The following IQGAP1 variants were observed in gnomAD, a reference collection of about 807,000 sequenced individuals.
IQGAP1 encodes the protein IQ motif containing GTPase activating protein 1.
In IQGAP1, 66 loss-of-function variants were observed where a neutral mutation model predicts 215.6. The ratio of observed to expected loss-of-function variants is 0.31; its 90% confidence interval spans 0.25 to 0.38. IQGAP1 has a LOEUF of 0.38. IQGAP1 is among the 10% of genes least tolerant of loss of function. The probability of loss-of-function intolerance (pLI) is 1.00; values close to 1 mark genes in which losing one functional copy is unlikely to be tolerated. For missense variants in IQGAP1, 1,712 were observed against 1,997.1 expected (o/e 0.86, Z 2.72); for synonymous variants, 772 against 728.7 (o/e 1.06, Z -0.96).
chr15:90,476,946 C>A, intron 24 of IQGAP1, 121 bp from the exon 25 acceptor site: 1 of 1,317,620 alleles, frequency 7.6e-7, no homozygotes, highest in Non-Finnish European at 1.1e-6. Flanking sequence ...GGCACTGTAA[C>A]ATGTTAATTT....
intron 15 of IQGAP1, among the ~76,000 whole-genome samples, chr15:90,460,925 G>A (rs1216949556): frequency 1.3e-5 from 2 of 150,378 alleles, no homozygotes; most frequent in Non-Finnish European, 2.9e-5. Context: ...CTTGGGCCTA[G>A]GGGGCTGAGG....
chr15:90,412,376 C>A (rs996197955), intron 2 of IQGAP1, among the ~76,000 whole-genome samples: 3 of 152,184 alleles, frequency 2.0e-5, no homozygotes, highest in Non-Finnish European at 2.9e-5. Context: ...CTCCTCACTT[C>A]TCTCTAGCCC....
intron 15 of IQGAP1, among the ~76,000 whole-genome samples, chr15:90,459,531 A>G (rs934992164): frequency 1.3e-5 from 2 of 152,182 alleles, no homozygotes; most frequent in African/African-American, 4.8e-5. Context: ...TGAGGATGTG[A>G]CTATAGAGTT....
At chr15:90,415,835 C>G (rs1965039603) in intron 2 of IQGAP1, among the ~76,000 whole-genome samples, 1 of 152,300 alleles carries the variant, frequency 6.6e-6, no homozygotes, top group South Asian at 2.1e-4. Context: ...ATGCTGCTGT[C>G]CAAGTTCTCC....
chr15:90,453,884 A>C (rs1046050184), intron 13 of IQGAP1, among the ~76,000 whole-genome samples: 1 of 152,248 alleles, frequency 6.6e-6, no homozygotes, highest in African/African-American at 2.4e-5. Context: ...CAATAGGCAT[A>C]TAAAACCCAC....
rs533690641 is a variant in IQGAP1 at position 90,483,593 on chromosome 15, G to A, written c.3788G>A (p.Arg1263Lys). ...CTTTCCCAGTCCTACCAGAAATTCA[G>A]GTAAGGGGAAAGGCACAAGTGCTTA... ...EYLSQSYQKF[R>K]RFFQTACDVP... Residue 1263 changes from arginine (R) to lysine (K), a missense_variant and splice_region_variant, in exon 29 of 38, where the codon AGA becomes AAA. Around this residue, in one of 2 missense-constraint regions of IQGAP1, gnomAD observed 691 missense variants for 923.0 expected, o/e 0.75. Coordinates refer to ENST00000268182, the MANE Select transcript of IQGAP1 (RefSeq NM_003870.4). The A allele has an allele frequency of 1.5e-5, 24 of 1,598,050 alleles. No homozygotes were observed. In the East Asian group the frequency reaches 2.9e-4, roughly 19 times the overall value.
chr15:90,414,877 G>A (rs546420268), intron 2 of IQGAP1, among the ~76,000 whole-genome samples: 4 of 152,130 alleles, frequency 2.6e-5, no homozygotes, highest in African/African-American at 7.2e-5. Context: ...CATCCTCTCC[G>A]GCTTTTGTGG....
chr15:90,481,317 A>C (rs1281350636), intron 26 of IQGAP1, among the ~76,000 whole-genome samples: 1 of 135,398 alleles, frequency 7.4e-6, no homozygotes, highest in East Asian at 2.1e-4. Context: ...TTGCTCAAGC[A>C]GTCCTCCCAC....
At chr15:90,401,191 C>T (rs1964799535) in intron 2 of IQGAP1, among the ~76,000 whole-genome samples, 1 of 151,922 alleles carries the variant, frequency 6.6e-6, no homozygotes, top group South Asian at 2.1e-4. Flanking sequence ...CTGAAGTCTC[C>T]TAGCAATCTG....
At chr15:90,437,560 G>C (rs2151018014) in intron 5 of IQGAP1, among the ~76,000 whole-genome samples, 1 of 152,170 alleles carries the variant, frequency 6.6e-6, no homozygotes, top group African/African-American at 2.4e-5. Context: ...CTTTTTTAAA[G>C]AGGCAGGGTC....
At chr15:90,485,733 C>T (rs1966117313) in intron 30 of IQGAP1, among the ~76,000 whole-genome samples, 1 of 152,184 alleles carries the variant, frequency 6.6e-6, no homozygotes, top group African/African-American at 2.4e-5. Flanking sequence ...AGCCACTGCA[C>T]CCAGCCAGTG....
chr15:90,436,128 A>G (rs994884339), intron 5 of IQGAP1, among the ~76,000 whole-genome samples: 7 of 151,106 alleles, frequency 4.6e-5, no homozygotes, highest in Admixed American at 2.6e-4. Context: ...CTGTACTTTA[A>G]TCATACTAAA....
At chr15:90,483,719 G>A in intron 29 of IQGAP1, 126 bp downstream of exon 29, 1 of 670,610 alleles carries the variant, frequency 1.5e-6, no homozygotes, top group South Asian at 1.9e-5. Context: ...CGTGTTTGAT[G>A]TGCCCAGGAT....
At chr15:90,416,692 C>T (rs1350106991) in intron 2 of IQGAP1, among the ~76,000 whole-genome samples, 1 of 152,042 alleles carries the variant, frequency 6.6e-6, no homozygotes, top group Admixed American at 6.5e-5. Flanking sequence ...ATTCTCCTGC[C>T]TCAGCCTCCC....
rs1329715031 is a variant in IQGAP1, at chr15:90,477,283, C to A, written c.3104+53C>A. 5.4e-5 allele frequency: 77 copies of A among 1,438,752 alleles called. 1 individual carries two copies. Among genetic ancestry groups the A allele is most frequent in the Non-Finnish European group, 1.9e-6 (2 of 1,045,000 alleles). The allele number at this position is 1,438,752 out of a possible 1,614,324, so 89.1% of individuals were successfully genotyped here. On this transcript the variant is annotated intron_variant, in intron 25 of 37. Coordinates refer to ENST00000268182, the MANE Select transcript of IQGAP1 (RefSeq NM_003870.4). ...GCCCCTTCCCACTATCAGAGGGGCT[C>A]CCAGTTTGAGATTCATGCCTTCCTG...
At position 90,447,366 on chromosome 15, in the gene IQGAP1, C is replaced by T. The variant is rs534806851; in HGVS notation, c.914-1207C>T. On this transcript the variant is annotated intron_variant, in intron 9 of 37. Transcript: ENST00000268182. ...TTTTTTTAAATAGTTCTAGTCTCCTCATTGCCCCTACTTCCCATTTTCTAG... is the reference window on the plus strand; with the variant it reads ...TTTTTTTAAATAGTTCTAGTCTCCTTATTGCCCCTACTTCCCATTTTCTAG... Among the ~76,000 whole-genome samples the T allele has an allele frequency of 6.6e-5, 10 of 152,308 alleles. No homozygotes were observed. In the South Asian group the frequency reaches 1.2e-3, roughly 19 times the overall value.
At chr15:90,447,620 C>T (rs745674889) in intron 9 of IQGAP1, among the ~76,000 whole-genome samples, 6 of 151,898 alleles carry the variant, frequency 4.0e-5, no homozygotes, top group Admixed American at 6.6e-5. Context: ...AATAAGGAAA[C>T]GGAAAGTAAA....
chr15:90,401,146 G>T (rs190504407), intron 2 of IQGAP1, among the ~76,000 whole-genome samples: 1 of 152,058 alleles, frequency 6.6e-6, no homozygotes, highest in Non-Finnish European at 1.5e-5. Flanking sequence ...GTGGCCTACC[G>T]GATCAAATCA....
intron 10 of IQGAP1, among the ~76,000 whole-genome samples, chr15:90,449,277 A>G (rs1965568250): frequency 6.6e-6 from 1 of 152,150 alleles, no homozygotes; most frequent in Non-Finnish European, 1.5e-5. Flanking sequence ...AGTAGCATTA[A>G]CGTGCTTAAG....
Sources: allele counts gnomAD v4.1 joint callset (sites outside exome capture counted in the v4.1 genomes callset), GRCh38; gene constraint gnomAD v4.1.1; regional missense constraint gnomAD v4.1.1; transcripts MANE v1.5; gene names NCBI Gene and HGNC (gene_info 2026-07-23, HGNC 2026-07-21).